Variants in LAMA2 observed in about 807,000 individuals in gnomAD.
The protein encoded by LAMA2 is laminin subunit alpha-2.
LAMA2 carries 269 observed loss-of-function variants against 364.8 expected under a neutral mutation model. The ratio of observed to expected loss-of-function variants is 0.74; its 90% CI spans 0.67 to 0.82. The LOEUF (loss-of-function observed/expected upper bound fraction) is 0.82, where lower values mean the gene tolerates loss of function less well. LAMA2 is among the 40% of genes least tolerant of loss of function. The pLI, the probability that LAMA2 is intolerant of heterozygous loss-of-function variation, is 0.00. For missense variants in LAMA2, 3,807 were observed against 3,873.2 expected, an observed-to-expected ratio of 0.98 and a Z score of 0.45; for synonymous variants, 1,379 against 1,370.6, an observed-to-expected ratio of 1.01 and a Z score of -0.14.
intron 17 of LAMA2, among the ~76,000 whole-genome samples, chr6:129,277,461 A>G (rs758168497): frequency 7.9e-5 from 12 of 152,332 alleles, no homozygotes; most frequent in Admixed American, 1.3e-4. Context: ...ATGTTGTTGA[A>G]AGAATATCAA....
chr6:128,962,247 G>A (rs1341632188), intron 1 of LAMA2, among the ~76,000 whole-genome samples: 1 of 141,894 alleles, frequency 7.0e-6, no homozygotes, highest in African/African-American at 2.6e-5. Flanking sequence ...AAGATTTGTA[G>A]GTTATAATAG....
At chr6:129,516,140 T>G (rs756738662) in intron 64 of LAMA2, 50 bp from the exon 65 acceptor site, 5 of 1,596,346 alleles carry the variant, frequency 3.1e-6, no homozygotes, top group African/African-American at 2.7e-5. Flanking sequence ...GCTCTTAATA[T>G]TTGGTGCAGG....
intron 27 of LAMA2, among the ~76,000 whole-genome samples, chr6:129,318,426 G>C (rs1429771266): frequency 2.6e-5 from 4 of 152,018 alleles, no homozygotes; most frequent in African/African-American, 9.7e-5. Flanking sequence ...AAAAAAAAAT[G>C]GTGTATTGCA....
chr6:129,078,334 C>T (rs1773797347), intron 3 of LAMA2, among the ~76,000 whole-genome samples: 1 of 151,916 alleles, frequency 6.6e-6, no homozygotes, highest in African/African-American at 2.4e-5. Flanking sequence ...AAGGTTTCAC[C>T]ATGTTGCCCA....
At position 129,419,965 on chromosome 6, in the gene LAMA2, T is replaced by A. The variant is rs1780992311; in HGVS notation, c.5866-7787T>A. 3.3e-5 allele frequency among the ~76,000 whole-genome samples: 5 copies of A among 152,136 alleles called. No individual in the cohort carries two copies. The South Asian group carries it at 1.0e-3, about 31-fold the overall frequency. ...ACCTTAAAAATTGATGCATGGTGAT[T>A]TTCTTATTTTAAAATTGTGTATGAT... On this transcript the variant is annotated intron_variant, in intron 40 of 64. Transcript: ENST00000421865.
intron 2 of LAMA2, among the ~76,000 whole-genome samples, chr6:129,053,602 TGA>T (rs1788249293): frequency 6.6e-6 from 1 of 152,116 alleles, no homozygotes; most frequent in South Asian, 2.1e-4. Context: ...AGGTATGTGA[TGA>T]AGGAAAGAAT....
chr6:129,389,165 C>T (rs1300409270), intron 35 of LAMA2, among the ~76,000 whole-genome samples: 1 of 152,202 alleles, frequency 6.6e-6, no homozygotes, highest in Non-Finnish European at 1.5e-5. Flanking sequence ...CCCTCACTAA[C>T]TTCTAGGAAT....
intron 40 of LAMA2, among the ~76,000 whole-genome samples, chr6:129,407,451 C>T (rs1780304836): frequency 6.6e-6 from 1 of 152,108 alleles, no homozygotes; most frequent in Non-Finnish European, 1.5e-5. Flanking sequence ...CACTTAAATG[C>T]TGATATGAAG....
rs1775420519 is a variant in LAMA2 at position 129,328,262 on chromosome 6, C to T, written c.4177-16C>T. ...TTTCTAACTTTGCTGTCCTAATTGG[C>T]TTCCTTTTCTTTCAGGCATGCTTGC... On this transcript the variant is annotated splice_polypyrimidine_tract_variant and intron_variant, in intron 28 of 64. Transcript: ENST00000421865. The T allele has an allele frequency of 6.2e-7, 1 of 1,612,638 alleles. No individual in the cohort carries two copies. The highest frequency in any genetic ancestry group is 8.5e-7 in the Non-Finnish European group (1 of 1,178,714).
chr6:129,457,902 T>A (rs192925663), intron 48 of LAMA2, among the ~76,000 whole-genome samples: 53 of 152,184 alleles, frequency 3.5e-4, no homozygotes, highest in Admixed American at 1.7e-3. Flanking sequence ...TTGGACCTAT[T>A]TTATAAGGGC....
chr6:129,148,666 C>G (rs1778623811), intron 6 of LAMA2, among the ~76,000 whole-genome samples: 1 of 151,880 alleles, frequency 6.6e-6, no homozygotes, highest in African/African-American at 2.4e-5. Context: ...CTAATCGACC[C>G]CCAAAAAACA....
At chr6:129,244,948 T>TC (rs927894310) in intron 12 of LAMA2, among the ~76,000 whole-genome samples, 1 of 152,132 alleles carries the variant, frequency 6.6e-6, no homozygotes, top group African/African-American at 2.4e-5. Flanking sequence ...AGCTGGTTTT[T>TC]CCCCCTGAAG....
intron 1 of LAMA2, among the ~76,000 whole-genome samples, chr6:129,015,156 G>C (rs1047313016): frequency 6.6e-6 from 1 of 152,094 alleles, no homozygotes; most frequent in African/African-American, 2.4e-5. Flanking sequence ...ACCGTGAATA[G>C]AGACATTAAG....
chr6:129,433,748 G>T (rs1781709827), intron 41 of LAMA2, among the ~76,000 whole-genome samples: 1 of 151,982 alleles, frequency 6.6e-6, no homozygotes, highest in South Asian at 2.1e-4. Flanking sequence ...ATAAACTTAG[G>T]TTCTGGACCA....
intron 3 of LAMA2, among the ~76,000 whole-genome samples, chr6:129,089,135 T>C (rs1255926795): frequency 1.3e-5 from 2 of 152,264 alleles, no homozygotes; most frequent in African/African-American, 2.4e-5. Context: ...GATGATGATA[T>C]TTCATTTGCA....
At chr6:129,247,806 CTATTAT>C (rs746515823) in intron 12 of LAMA2, among the ~76,000 whole-genome samples, 10 of 152,280 alleles carry the variant, frequency 6.6e-5, no homozygotes, top group Non-Finnish European at 1.3e-4. Flanking sequence ...ACTATTATCG[CTATTAT>C]TATTAGCCCT....
intron 1 of LAMA2, among the ~76,000 whole-genome samples, chr6:128,985,308 C>A (rs1404053453): frequency 6.6e-6 from 1 of 152,120 alleles, no homozygotes; most frequent in African/African-American, 2.4e-5. Flanking sequence ...AACCACCATG[C>A]AGTTTAAAAC....
intron 17 of LAMA2, among the ~76,000 whole-genome samples, chr6:129,276,951 C>T (rs570854654): frequency 7.2e-5 from 11 of 152,006 alleles, no homozygotes; most frequent in Admixed American, 5.9e-4. Flanking sequence ...CATGTATGTA[C>T]ACATATATAT....
At chr6:129,104,365 T>G (rs1213198779) in intron 4 of LAMA2, among the ~76,000 whole-genome samples, 1 of 152,210 alleles carries the variant, frequency 6.6e-6, no homozygotes, top group African/African-American at 2.4e-5. Context: ...CATGTCTCAA[T>G]TGTTACACAC....
Sources: gnomAD v4.1 joint callset for allele counts (sites outside exome capture counted in the v4.1 genomes callset) on GRCh38, gnomAD v4.1.1 for gene constraint, MANE v1.5 for transcripts, NCBI Gene and HGNC (gene_info 2026-07-23, HGNC 2026-07-21) for gene names.